PTPRD: variants seen among roughly 807,000 people sequenced by gnomAD.
PTPRD encodes the protein protein tyrosine phosphatase receptor type D.
PTPRD carries 34 observed loss-of-function variants against 214.5 expected under a neutral mutation model. That is an observed-to-expected ratio of 0.16 (90% CI 0.12 to 0.21). The LOEUF is 0.21. Ranked by LOEUF, PTPRD falls within the 10% of genes least tolerant of loss-of-function variation. The pLI, the probability that PTPRD is intolerant of heterozygous loss-of-function variation, is 1.00. For missense variants in PTPRD, 2,545 were observed against 2,398.7 expected, an observed-to-expected ratio of 1.06 and a Z score of -1.27; for synonymous variants, 1,128 against 845.7, an observed-to-expected ratio of 1.33 and a Z score of -5.79.
intron 2 of PTPRD, among the ~76,000 whole-genome samples, chr9:10,427,523 A>G (rs586922): frequency 0.027 from 4,069 of 152,120 alleles, 163 homozygotes; most frequent in African/African-American, 0.092. Flanking sequence ...GGCAGCTGAC[A>G]GCAATTCTAC....
chr9:8,443,039 G>A (rs948272844), intron 34 of PTPRD, among the ~76,000 whole-genome samples: 1 of 152,304 alleles, frequency 6.6e-6, no homozygotes, highest in African/African-American at 2.4e-5. Flanking sequence ...CAGCTACTTG[G>A]GAGGTTGAGG....
intron 9 of PTPRD, among the ~76,000 whole-genome samples, chr9:9,257,084 A>G (rs371624787): frequency 6.6e-6 from 1 of 151,952 alleles, no homozygotes; most frequent in South Asian, 2.1e-4. Context: ...ATGTATTAAT[A>G]TCTTAACTGT....
chr9:9,331,535 G>A (rs980629677), intron 9 of PTPRD, among the ~76,000 whole-genome samples: 1 of 152,020 alleles, frequency 6.6e-6, no homozygotes, highest in South Asian at 2.1e-4. Context: ...GGAACAGGCA[G>A]TATAACAGCT....
intron 8 of PTPRD, among the ~76,000 whole-genome samples, chr9:9,450,363 T>C (rs778636562): frequency 6.6e-6 from 1 of 152,122 alleles, no homozygotes; most frequent in Non-Finnish European, 1.5e-5. Flanking sequence ...ACAGTGGTTG[T>C]ACTAGCAACA....
chr9:9,327,075 G>T (rs1248063297), intron 9 of PTPRD, among the ~76,000 whole-genome samples: 1 of 152,126 alleles, frequency 6.6e-6, no homozygotes, highest in Non-Finnish European at 1.5e-5. Context: ...ACATGCAGCT[G>T]TTCTGTAGTT....
intron 3 of PTPRD, among the ~76,000 whole-genome samples, chr9:10,099,767 T>A (rs73641851): frequency 0.038 from 5,696 of 151,620 alleles, 361 homozygotes; most frequent in African/African-American, 0.13. Flanking sequence ...AGCAAACTTA[T>A]CTTAAAGATT....
intron 8 of PTPRD, among the ~76,000 whole-genome samples, chr9:9,475,049 A>G (rs1197353059): frequency 6.6e-6 from 1 of 152,208 alleles, no homozygotes; most frequent in African/African-American, 2.4e-5. Context: ...GAATCCTGCT[A>G]GAAGAGTGCA....
chr9:8,352,014 A>G (rs1013495493), intron 39 of PTPRD, among the ~76,000 whole-genome samples: 5 of 151,852 alleles, frequency 3.3e-5, no homozygotes, highest in African/African-American at 9.7e-5. Flanking sequence ...CTGGGTGAAA[A>G]GGTAATTTCC....
chr9:10,583,538 G>A (rs1022378456), intron 2 of PTPRD, among the ~76,000 whole-genome samples: 3 of 151,426 alleles, frequency 2.0e-5, no homozygotes, highest in Admixed American at 6.6e-5. Context: ...TGCAAGCTCC[G>A]CCTCCCGGGT....
chr9:8,369,261 GC>G (rs2080830596), intron 39 of PTPRD, among the ~76,000 whole-genome samples: 1 of 152,042 alleles, frequency 6.6e-6, no homozygotes, highest in African/African-American at 2.4e-5. Context: ...TTGTTTTTAT[GC>G]TCTTATGCAA....
chr9:9,285,554 G>T (rs1212322666), intron 9 of PTPRD, among the ~76,000 whole-genome samples: 1 of 151,810 alleles, frequency 6.6e-6, no homozygotes, highest in Non-Finnish European at 1.5e-5. Context: ...TTGTGCAAGT[G>T]CTAAATCTAG....
chr9:9,227,596 A>C (rs993543291), intron 9 of PTPRD, among the ~76,000 whole-genome samples: 2 of 152,156 alleles, frequency 1.3e-5, no homozygotes, highest in Non-Finnish European at 2.9e-5. Context: ...AATAAAGCTC[A>C]AGTAATCATG....
intron 10 of PTPRD, among the ~76,000 whole-genome samples, chr9:9,167,601 A>C (rs1592785845): frequency 6.6e-6 from 1 of 152,014 alleles, no homozygotes; most frequent in East Asian, 2.0e-4. Flanking sequence ...CTAAAAATAC[A>C]AAAATTAGCC....
At chr9:10,453,690 ATT>A (rs201142233) in intron 2 of PTPRD, among the ~76,000 whole-genome samples, 2 of 150,470 alleles carry the variant, frequency 1.3e-5, no homozygotes, top group Non-Finnish European at 3.0e-5. Context: ...CTCACCAGTT[ATT>A]TTTTTTTGTG....
intron 5 of PTPRD, among the ~76,000 whole-genome samples, chr9:9,878,992 G>T (rs555245274): frequency 6.6e-6 from 1 of 152,206 alleles, no homozygotes; most frequent in African/African-American, 2.4e-5. Flanking sequence ...GAGGAGATTT[G>T]TTACTCTATG....
intron 7 of PTPRD, among the ~76,000 whole-genome samples, chr9:9,653,144 C>A (rs946822289): frequency 1.3e-5 from 2 of 148,262 alleles, no homozygotes; most frequent in Admixed American, 6.7e-5. Context: ...AGATCGAGAC[C>A]ATCCTGGCTA....
intron 14 of PTPRD, among the ~76,000 whole-genome samples, chr9:8,563,827 C>T (rs2087582877): frequency 6.6e-6 from 1 of 152,034 alleles, no homozygotes; most frequent in African/African-American, 2.4e-5. Flanking sequence ...ACACTCAGTT[C>T]TAAGTTTTTG....
chr9:8,679,964 G>C (rs2097519686), intron 12 of PTPRD, among the ~76,000 whole-genome samples: 1 of 152,042 alleles, frequency 6.6e-6, no homozygotes. Context: ...AGATCAATTG[G>C]CCAGAAAGCA....
At chr9:10,216,367 A>C (rs751152552) in intron 3 of PTPRD, among the ~76,000 whole-genome samples, 1 of 151,910 alleles carries the variant, frequency 6.6e-6, no homozygotes, top group Non-Finnish European at 1.5e-5. Context: ...GTATAGATAC[A>C]GGTGGGGGTT....
Sources: allele counts gnomAD v4.1 joint callset (sites outside exome capture counted in the v4.1 genomes callset), GRCh38; gene constraint gnomAD v4.1.1; transcripts MANE v1.5; gene names NCBI Gene and HGNC (gene_info 2026-07-23, HGNC 2026-07-21).